Variants in COL11A2 observed in about 807,000 individuals in gnomAD.
The protein encoded by COL11A2 is collagen type XI alpha 2 chain, also known as collagen alpha-2(XI) chain.
In COL11A2, 116 loss-of-function variants were observed where a neutral mutation model predicts 273.4. The ratio of observed to expected loss-of-function variants is 0.42; its 90% CI spans 0.36 to 0.49. The LOEUF is 0.49. COL11A2 is among the 20% of genes least tolerant of loss of function. COL11A2 has a pLI of 0.00. For synonymous variants in COL11A2, 782 were observed against 864.2 expected (o/e 0.90, Z 1.67); for missense variants, 1,866 against 2,309.0 (o/e 0.81, Z 3.93).
rs769588312 is a variant in COL11A2 at position 33,175,604 on chromosome 6, G to T, written c.2346C>A (p.Asp782Glu). 6.2e-6 allele frequency: 10 copies of T among 1,612,922 alleles called. No homozygotes were observed. In the South Asian group the frequency reaches 6.6e-5, roughly 11 times the overall value. ...CGCCCATGAGCCCTGGGGGCCCAGGGTCTCCAGTCGGTCCAGTGCGTCCCT... is the reference window on the plus strand; with the variant it reads ...CGCCCATGAGCCCTGGGGGCCCAGGTTCTCCAGTCGGTCCAGTGCGTCCCT... ...GPKGRTGPTGDPGPPGLMGEK... is the reference protein window; with the variant it reads ...GPKGRTGPTGEPGPPGLMGEK... The change falls in exon 30 of 66, where the codon GAC becomes GAA. Residue 782 changes from aspartate to glutamate, a missense_variant. By Grantham distance (45) the Asp-to-Glu change is conservative. Transcript: ENST00000341947.
chr6:33,186,523 G>A, intron 5 of COL11A2, 104 bp downstream of exon 5: 5 of 1,600,930 alleles, frequency 3.1e-6, no homozygotes, highest in South Asian at 1.1e-5. Context: ...GGGGTGATGG[G>A]AATAGGGAGA....
intron 54 of COL11A2, among the ~76,000 whole-genome samples, chr6:33,168,231 A>C (rs1409300161): frequency 6.6e-6 from 1 of 151,892 alleles, no homozygotes; most frequent in Non-Finnish European, 1.5e-5. Context: ...CCAGGAACAA[A>C]CATGCCCGAG....
At position 33,190,041 on chromosome 6, in the gene COL11A2, G is replaced by A. The variant is rs1772929762; in HGVS notation, c.83-572C>T. The stretch of plus-strand genomic sequence containing the variant: ...GGAGGTGCAGGGGGGCCACGAGGAA[G>A]AGATCAGAGAAGCAGCTCTATGAGA... On this transcript the variant is annotated intron_variant, in intron 1 of 65. Transcript: ENST00000341947. The surrounding 1 kb of genome is among the most constrained non-coding windows in gnomAD (Gnocchi z 4.5). 6.6e-6 allele frequency among the ~76,000 whole-genome samples: 1 copy of A among 152,182 alleles called. No individual in the cohort carries two copies. The highest frequency in any genetic ancestry group is 2.1e-4 in the South Asian group (1 of 4,824).
In COL11A2 at chr6:33,176,470, T is replaced by A; in HGVS notation, c.2132A>T (p.Gln711Leu). 1 of 1,612,336 alleles carries A rather than the reference T, an allele frequency of 6.2e-7. No individual in the cohort carries two copies. Among genetic ancestry groups the A allele is most frequent in the Non-Finnish European group, 8.5e-7 (1 of 1,179,682 alleles). The change falls in exon 27 of 66, where the codon CAG (glutamine) becomes CTG (leucine). Residue 711 changes from glutamine (Q) to leucine (L), a missense_variant. By Grantham distance (113) the Gln-to-Leu change is moderately radical. Coordinates refer to ENST00000341947, the MANE Select transcript of COL11A2 (RefSeq NM_080680.3). This position sits in a 1 kb window ranked among gnomAD's most constrained non-coding sequence, Gnocchi z 4.9. The stretch of plus-strand genomic sequence containing the variant: ...AGGTCCTGGGTATCCTAGAGGTCCC[T>A]GAGGTCCAGAGGGACCCTGGAAGAT... ...TKGNQGPSGP[Q>L]GPLGYPGPRG...
chr6:33,185,109 G>A, intron 6 of COL11A2, 55 bp from the exon 7 acceptor site: 1 of 1,383,720 alleles, frequency 7.2e-7, no homozygotes, highest in Non-Finnish European at 1.0e-6. Flanking sequence ...GAAGGAGAAA[G>A]GTTAGCAGAA....
chr6:33,172,411 C>T (rs549361869), intron 39 of COL11A2, 33 bp from the exon 40 acceptor site: 11 of 1,566,176 alleles, frequency 7.0e-6, no homozygotes, highest in Non-Finnish European at 9.6e-6. Flanking sequence ...GAGCCACAGC[C>T]ATGCTCCCAA....
rs747271894 is a variant in COL11A2, at chr6:33,176,778, G to T, written c.2071-13C>A. On this transcript the variant is annotated splice_polypyrimidine_tract_variant and intron_variant, in intron 25 of 65. Coordinates refer to ENST00000341947, the MANE Select transcript of COL11A2 (RefSeq NM_080680.3). This position sits in a 1 kb window ranked among gnomAD's most constrained non-coding sequence, Gnocchi z 4.9. ...TCCCTGGGTGACCCTGGGAGTAAGG[G>T]ATAGAAAATGTGACCAGTGGCCCCT... 6.2e-7 allele frequency: 1 copy of T among 1,611,814 alleles called. No homozygotes were observed. Among genetic ancestry groups the T allele is most frequent in the Non-Finnish European group, 8.5e-7 (1 of 1,179,244 alleles).
chr6:33,185,756 T>C lies in COL11A2; in HGVS notation c.821A>G (p.Asp274Gly). Residue 274 changes from aspartate to glycine, a missense_variant, in exon 6 of 66, where the codon GAC (aspartate) becomes GGC (glycine). By Grantham distance (94) the Asp-to-Gly change is moderately conservative. Coordinates refer to ENST00000341947, the MANE Select transcript of COL11A2 (RefSeq NM_080680.3). ...QSQPTESLYY[D>G]YEPPYYDVMT... ...CACATCATAATAGGGGGGCTCGTAG[T>C]CATAGTAGAGAGACTCAGTGGGCTG... The C allele has an allele frequency of 7.4e-7, 1 of 1,350,634 alleles. No individual in the cohort carries two copies. Among genetic ancestry groups the C allele is most frequent in the Non-Finnish European group, 9.9e-7 (1 of 1,012,328 alleles). 83.7% of individuals were successfully genotyped at this position (1,350,634 alleles called of 1,614,324 possible).
chr6:33,185,662 G>A (rs373696354), intron 6 of COL11A2, 39 bp downstream of exon 6: 2 of 1,052,146 alleles, frequency 1.9e-6, no homozygotes, highest in African/African-American at 1.6e-5. Context: ...TGGGGGTGCT[G>A]GGAGAAAGGG....
At position 33,178,049 on chromosome 6, in the gene COL11A2, G is replaced by A; in HGVS notation, c.1872+83C>T. The A allele has an allele frequency of 2.2e-6, 3 of 1,373,582 alleles. No homozygotes were observed. Among genetic ancestry groups the A allele is most frequent in the Middle Eastern group, 2.0e-4 (1 of 5,082 alleles). 85.1% of individuals were successfully genotyped at this position (1,373,582 alleles called of 1,614,324 possible). The stretch of plus-strand genomic sequence containing the variant: ...ATGGGAAGCATGCCGAGAGAGGAGA[G>A]GGAGCAGGAAGGCAGCTAGAAAGGT... On this transcript the variant is annotated intron_variant, in intron 21 of 65. Transcript: ENST00000341947. The surrounding 1 kb of genome is among the most constrained non-coding windows in gnomAD (Gnocchi z 4.6).
chr6:33,172,435 C>T, intron 39 of COL11A2, 57 bp from the exon 40 acceptor site: 2 of 1,550,500 alleles, frequency 1.3e-6, no homozygotes, highest in Non-Finnish European at 1.8e-6. Context: ...AAACAGAGAG[C>T]TCTCCAGCCC....
chr6:33,178,477 A>C lies in COL11A2; in HGVS notation c.1731T>G (p.Gly577=). 6.2e-7 allele frequency: 1 copy of C among 1,612,858 alleles called. No homozygotes were observed. The highest frequency in any genetic ancestry group is 1.6e-4 in the Middle Eastern group (1 of 6,062). The change falls in exon 19 of 66, where the codon GGT becomes GGG. Residue 577 remains glycine, a synonymous_variant. Transcript: ENST00000341947. The surrounding 1 kb of genome is among the most constrained non-coding windows in gnomAD (Gnocchi z 4.6). The stretch of plus-strand genomic sequence containing the variant: ...CAGGGGGACCAGGAAGGCCCTGGGC[A>C]CCAGTATCACCCTGCAAAATGGGGG... ...PGEKGHRGDT[G]AQGLPGPPGE... is the part of the protein sequence containing the mutation.
At chr6:33,180,581 C>T in intron 11 of COL11A2, 87 bp downstream of exon 11, 1 of 1,296,094 alleles carries the variant, frequency 7.7e-7, no homozygotes, top group Non-Finnish European at 1.1e-6. Context: ...AGCCACCTAA[C>T]AGGAAATTAC....
At chr6:33,188,654 A>G (rs936721827) in intron 3 of COL11A2, 130 bp from the exon 4 acceptor site, 3 of 1,049,866 alleles carry the variant, frequency 2.9e-6, no homozygotes, top group Non-Finnish European at 2.9e-6. Context: ...GCTACCATTT[A>G]TTGAGTGTTT....
At position 33,164,849 on chromosome 6, in the gene COL11A2, C is replaced by T. The variant is rs753205692; in HGVS notation, c.4863+3G>A. Reference sequence around the variant, plus strand: ...GGAGGGGCAGCGAGGGGCCAGCTCTCACCTGCGTGACGTCATCCCTAGGCG... The same window carrying T: ...GGAGGGGCAGCGAGGGGCCAGCTCTTACCTGCGTGACGTCATCCCTAGGCG... On this transcript the variant is annotated splice_donor_region_variant and intron_variant, in intron 64 of 65. Coordinates refer to ENST00000341947, the MANE Select transcript of COL11A2 (RefSeq NM_080680.3). This position sits in a 1 kb window ranked among gnomAD's most constrained non-coding sequence, Gnocchi z 4.7. The T allele has an allele frequency of 3.8e-5, 59 of 1,554,634 alleles. No homozygotes were observed. Among genetic ancestry groups the T allele is most frequent in the African/African-American group, 1.4e-5 (1 of 73,294 alleles).
At position 33,172,061 on chromosome 6, in the gene COL11A2, G is replaced by C. The variant is rs997533180; in HGVS notation, c.3031C>G (p.Pro1011Ala). The C allele has an allele frequency of 6.2e-7, 1 of 1,613,054 alleles. No homozygotes were observed. The highest frequency in any genetic ancestry group is 8.5e-7 in the Non-Finnish European group (1 of 1,180,012). ...AACCCCAGACTCACTGCAGGGCCAG[G>C]GGGGCCAGACGGACCTTCATTCCCC... ...LKGNEGPSGP[P>A]GPAGSPGERG... Residue 1011 changes from proline (P) to alanine (A), a missense_variant, in exon 41 of 66, where the codon CCT (proline) becomes GCT (alanine). By Grantham distance (27) the Pro-to-Ala change is conservative. Coordinates refer to ENST00000341947, the MANE Select transcript of COL11A2 (RefSeq NM_080680.3).
At position 33,174,173 on chromosome 6, in the gene COL11A2, C is replaced by T. The variant is rs1243423776; in HGVS notation, c.2476G>A (p.Gly826Arg). 1 of 1,585,568 alleles carries T rather than the reference C, an allele frequency of 6.3e-7. No individual in the cohort carries two copies. The highest frequency in any genetic ancestry group is 1.1e-5 in the South Asian group (1 of 87,330). ...CCCACCCCCCAGCTTACCCGGGCTCCCTTCTCTCCACTGGCACCAGGAAAG... is the reference window on the plus strand; with the variant it reads ...CCCACCCCCCAGCTTACCCGGGCTCTCTTCTCTCCACTGGCACCAGGAAAG... ...PGFPGASGEKGARGLSGKSGP... is the reference protein window; with the variant it reads ...PGFPGASGEKRARGLSGKSGP... Residue 826 changes from glycine (G) to arginine (R), a missense_variant, in exon 32 of 66, where the codon GGA becomes AGA. Gly to Arg is a moderately radical substitution (Grantham distance 125). Transcript: ENST00000341947.
rs1769174538 is a variant in COL11A2, at chr6:33,166,553, G to A, written c.4352C>T (p.Ala1451Val). Residue 1451 changes from alanine (A) to valine (V), a missense_variant, in exon 60 of 66, where the codon GCA (alanine) becomes GTA (valine). Coordinates refer to ENST00000341947, the MANE Select transcript of COL11A2 (RefSeq NM_080680.3). This position sits in a 1 kb window ranked among gnomAD's most constrained non-coding sequence, Gnocchi z 4.8. Reference sequence around the variant, plus strand: ...ACCTCCAGGACCAATGGGGCCGGATGCTCCTGGGATACCCTAGGAAGGGTA... The same window carrying A: ...ACCTCCAGGACCAATGGGGCCGGATACTCCTGGGATACCCTAGGAAGGGTA... Reference protein sequence around the residue: ...GQKGEMGIPGASGPIGPGGPP... With the variant: ...GQKGEMGIPGVSGPIGPGGPP... 6.2e-7 allele frequency: 1 copy of A among 1,613,852 alleles called. No individual in the cohort carries two copies. Among genetic ancestry groups the A allele is most frequent in the Non-Finnish European group, 8.5e-7 (1 of 1,179,862 alleles).
chr6:33,168,593 G>A (rs1391472587), intron 53 of COL11A2, 21 bp from the exon 54 acceptor site: 1 of 1,613,076 alleles, frequency 6.2e-7, no homozygotes, highest in Non-Finnish European at 8.5e-7. Context: ...AGGAATTGGG[G>A]TGGCTGAGTG....
Sources: allele counts gnomAD v4.1 joint callset (sites outside exome capture counted in the v4.1 genomes callset), GRCh38; gene constraint gnomAD v4.1.1; non-coding constraint Gnocchi (gnomAD v3.1); transcripts MANE v1.5; gene names NCBI Gene and HGNC (gene_info 2026-07-23, HGNC 2026-07-21).